CDH8: variants seen among roughly 807,000 people sequenced by gnomAD.
CDH8 encodes cadherin-8.
CDH8 carries 17 observed loss-of-function variants against 68.1 expected under a neutral mutation model. The observed-to-expected ratio is 0.25, with a 90% CI of 0.17 to 0.37. The LOEUF is 0.37. Among genes scored for constraint, CDH8 ranks in the 10% least tolerant of loss-of-function variants. CDH8 has a pLI of 1.00. For missense variants in CDH8, 763 were observed against 999.3 expected (o/e 0.76, Z 3.19); for synonymous variants, 372 against 365.1 (o/e 1.02, Z -0.21).
intron 3 of CDH8, among the ~76,000 whole-genome samples, chr16:61,899,831 G>GACACACACAC (rs35171683): frequency 0.031 from 4,618 of 147,306 alleles, 98 homozygotes; most frequent in Non-Finnish European, 0.036. Context: ...ATGTTATAAA[G>GACACACACAC]ACACACACAC....
chr16:61,845,180 C>A (rs1320568752), intron 4 of CDH8, among the ~76,000 whole-genome samples: 1 of 152,050 alleles, frequency 6.6e-6, no homozygotes, highest in Non-Finnish European at 1.5e-5. Flanking sequence ...TCTAGGGTTG[C>A]TAATTTATAC....
At chr16:61,841,674 ATTGT>A (rs937482240) in intron 4 of CDH8, among the ~76,000 whole-genome samples, 3 of 152,132 alleles carry the variant, frequency 2.0e-5, no homozygotes, top group African/African-American at 4.8e-5. Flanking sequence ...GTGTAAGTAG[ATTGT>A]TTGTAACTCA....
At chr16:61,813,491 A>C (rs2142999450) in intron 7 of CDH8, among the ~76,000 whole-genome samples, 2 of 152,236 alleles carry the variant, frequency 1.3e-5, no homozygotes, top group South Asian at 4.1e-4. Context: ...TTTACATCAG[A>C]TGCTCTTGTG....
chr16:61,991,657 C>T (rs1332049476), intron 2 of CDH8, among the ~76,000 whole-genome samples: 1 of 152,146 alleles, frequency 6.6e-6, no homozygotes, highest in Non-Finnish European at 1.5e-5. Flanking sequence ...ATGCTCAAGC[C>T]GGTGTGCCCA....
At chr16:61,729,529 G>A (rs1412364226) in intron 8 of CDH8, among the ~76,000 whole-genome samples, 1 of 151,072 alleles carries the variant, frequency 6.6e-6, no homozygotes, top group Non-Finnish European at 1.5e-5. Context: ...TTTTGCTTAT[G>A]GTCCTATTTC....
chr16:61,818,856 C>A (rs1962143605), intron 6 of CDH8, among the ~76,000 whole-genome samples: 1 of 150,838 alleles, frequency 6.6e-6, no homozygotes, highest in South Asian at 2.1e-4. Flanking sequence ...AATTCCAGTA[C>A]AAGCTTAATT....
chr16:61,657,620 A>T lies in CDH8; in HGVS notation c.1655-1899T>A, dbSNP rs139317309. On this transcript the variant is annotated intron_variant, in intron 10 of 11. Transcript: ENST00000577390. ...TAGTTGTGTTATATTTTCAGAAAGT[A>T]TGTGACAAGTTTGAGTACAGCTAAT... Among the ~76,000 whole-genome samples the T allele has an allele frequency of 8.5e-5, 13 of 152,266 alleles. 1 individual carries two copies. The highest frequency in any genetic ancestry group is 3.1e-4 in the African/African-American group (13 of 41,586).
At chr16:61,848,186 C>T (rs1473758669) in intron 4 of CDH8, among the ~76,000 whole-genome samples, 1 of 152,056 alleles carries the variant, frequency 6.6e-6, no homozygotes, top group African/African-American at 2.4e-5. Flanking sequence ...CTGATCCTAC[C>T]TGGTGTGTTC....
intron 2 of CDH8, among the ~76,000 whole-genome samples, chr16:62,011,416 C>T (rs368382804): frequency 1.3e-5 from 2 of 152,196 alleles, no homozygotes; most frequent in Non-Finnish European, 2.9e-5. Flanking sequence ...ATGTTCATCA[C>T]CTACCACATG....
chr16:61,816,045 CA>C (rs1264058226), intron 7 of CDH8, among the ~76,000 whole-genome samples: 5 of 151,906 alleles, frequency 3.3e-5, no homozygotes, highest in Non-Finnish European at 7.4e-5. Flanking sequence ...TTATTTTTTG[CA>C]TATGTCTATA....
intron 3 of CDH8, among the ~76,000 whole-genome samples, chr16:61,891,959 T>C (rs941107241): frequency 2.0e-5 from 3 of 152,148 alleles, no homozygotes; most frequent in Non-Finnish European, 4.4e-5. Flanking sequence ...ACCTATAAAT[T>C]ATAAAAAAGA....
chr16:62,023,106 C>G (rs1425228380), intron 1 of CDH8, among the ~76,000 whole-genome samples: 1 of 152,200 alleles, frequency 6.6e-6, no homozygotes, highest in African/African-American at 2.4e-5. Flanking sequence ...AAGTCTTTCT[C>G]TCATCCCAGT....
At chr16:61,712,939 AGATATCAT>A (rs925894347) in intron 10 of CDH8, among the ~76,000 whole-genome samples, 6 of 151,652 alleles carry the variant, frequency 4.0e-5, no homozygotes, top group African/African-American at 1.4e-4. Context: ...CAATAGGAAC[AGATATCAT>A]GAATCAAATT....
intron 2 of CDH8, among the ~76,000 whole-genome samples, chr16:61,982,908 A>T (rs1278387599): frequency 6.6e-6 from 1 of 152,192 alleles, no homozygotes; most frequent in Non-Finnish European, 1.5e-5. Context: ...TTTATAAAGG[A>T]ATTTATATAC....
At chr16:61,768,417 T>C (rs1228399826) in intron 8 of CDH8, among the ~76,000 whole-genome samples, 1 of 140,530 alleles carries the variant, frequency 7.1e-6, no homozygotes, top group African/African-American at 2.7e-5. Flanking sequence ...TCTCTCTCTC[T>C]CTCTCTCTCT....
chr16:61,850,997 T>C (rs1000198826), intron 4 of CDH8, among the ~76,000 whole-genome samples: 11 of 152,060 alleles, frequency 7.2e-5, no homozygotes, highest in African/African-American at 2.7e-4. Flanking sequence ...TATCCCAGCA[T>C]TGTTCATCTG....
At position 61,856,288 on chromosome 16, in the gene CDH8, C is replaced by T. The variant is rs917696504; in HGVS notation, c.667+831G>A. ...AGAAGAAAATATACAAAAAAAATTGCTTTTTAAACAATAATTGTTCTTAAT... is the reference window on the plus strand; with the variant it reads ...AGAAGAAAATATACAAAAAAAATTGTTTTTTAAACAATAATTGTTCTTAAT... On this transcript the variant is annotated intron_variant, in intron 4 of 11. Coordinates refer to ENST00000577390, the MANE Select transcript of CDH8 (RefSeq NM_001796.5). Among the ~76,000 whole-genome samples, 3 of 151,958 alleles carry T rather than the reference C, an allele frequency of 2.0e-5. No homozygotes were observed. In the South Asian group the frequency reaches 6.2e-4, roughly 32 times the overall value.
chr16:61,928,520 C>A (rs1218245790), intron 2 of CDH8, among the ~76,000 whole-genome samples: 1 of 152,170 alleles, frequency 6.6e-6, no homozygotes, highest in African/African-American at 2.4e-5. Flanking sequence ...CCTATCTCAC[C>A]TCCAACTCTA....
intron 2 of CDH8, among the ~76,000 whole-genome samples, chr16:61,903,018 TA>T (rs1471511117): frequency 6.6e-6 from 1 of 152,146 alleles, no homozygotes; most frequent in Admixed American, 6.5e-5. Flanking sequence ...GCATTTTTAT[TA>T]AAAAAATTTG....
Sources: gnomAD v4.1 joint callset for allele counts (sites outside exome capture counted in the v4.1 genomes callset) on GRCh38, gnomAD v4.1.1 for gene constraint, MANE v1.5 for transcripts, NCBI Gene and HGNC (gene_info 2026-07-23, HGNC 2026-07-21) for gene names.